Variants in PDE4DIP observed in about 807,000 individuals in gnomAD.
PDE4DIP encodes the protein myomegalin.
Under a neutral mutation model 221.4 loss-of-function variants are expected in PDE4DIP, and 59 were observed. That is an observed-to-expected ratio of 0.27 (90% CI 0.22 to 0.33). The LOEUF (loss-of-function observed/expected upper bound fraction) is 0.33. Ranked by LOEUF, PDE4DIP falls within the 10% of genes least tolerant of loss-of-function variation. The probability of loss-of-function intolerance (pLI) is 1.00; values close to 1 mark genes in which losing one functional copy is unlikely to be tolerated. For synonymous variants in PDE4DIP, 404 were observed against 815.9 expected (o/e 0.50, Z 8.60); for missense variants, 1,036 against 2,154.2 (o/e 0.48, Z 10.28).
rs377202295 is a variant in PDE4DIP at position 148,978,248 on chromosome 1, T to C, written c.2437-30T>C. On this transcript the variant is annotated intron_variant, in intron 18 of 43. Transcript: ENST00000369354. ...CTGAATAATCCTTTTATTACTATTTTCACATCCATACTTATTTTTTGACTT... is the reference window on the plus strand; with the variant it reads ...CTGAATAATCCTTTTATTACTATTTCCACATCCATACTTATTTTTTGACTT... 8.8e-5 allele frequency: 137 copies of C among 1,557,218 alleles called. No homozygotes were observed. In the African/African-American group the frequency reaches 1.8e-3, roughly 20 times the overall value.
intron 32 of PDE4DIP, among the ~76,000 whole-genome samples, chr1:149,013,079 C>T (rs1358019842): frequency 2.0e-5 from 3 of 152,260 alleles, no homozygotes; most frequent in Non-Finnish European, 2.9e-5. Context: ...GTGGACTGCT[C>T]ATTGGTTGGG....
At chr1:148,963,866 G>A (rs1311923410) in intron 9 of PDE4DIP, among the ~76,000 whole-genome samples, 4 of 136,514 alleles carry the variant, frequency 2.9e-5, no homozygotes, top group African/African-American at 1.1e-4. Flanking sequence ...CCATTCTCCT[G>A]CCTCAGCCTC....
chr1:148,824,239 C>T (rs1346787191), intron 1 of PDE4DIP, among the ~76,000 whole-genome samples: 8 of 146,344 alleles, frequency 5.5e-5, no homozygotes, highest in South Asian at 2.1e-4. Context: ...TCTCAAGACT[C>T]GACAGGGGCT....
chr1:149,020,148 G>A lies in PDE4DIP; in HGVS notation c.5772G>A (p.Glu1924=), dbSNP rs2072247169. The change falls in exon 36 of 44, where the codon GAG becomes GAA. Residue 1924 remains glutamate (E), a splice_region_variant and synonymous_variant. Coordinates refer to ENST00000369354, the Ensembl canonical transcript of PDE4DIP. ...TCAATCCTGTGTTCCTCTCACCAGA[G>A]CACTCCCAGGAAACAGAAAGCCTGA... The A allele has an allele frequency of 6.6e-6, 3 of 454,346 alleles. No homozygotes were observed. The East Asian group carries it at 1.1e-4, about 17-fold the overall frequency. The allele number at this position is 454,346 out of a possible 1,614,324, so 28.1% of individuals were successfully genotyped here.
At chr1:149,015,115 G>T (rs1437328266) in intron 32 of PDE4DIP, among the ~76,000 whole-genome samples, 1 of 152,012 alleles carries the variant, frequency 6.6e-6, no homozygotes, top group African/African-American at 2.4e-5. Context: ...CTAGTATTTT[G>T]CAAATTAGAA....
chr1:148,923,950 G>A (rs1487927565), intron 1 of PDE4DIP, among the ~76,000 whole-genome samples: 2 of 151,054 alleles, frequency 1.3e-5, no homozygotes, highest in African/African-American at 4.9e-5. Flanking sequence ...AGAAAGGTAT[G>A]TGAACCTAGG....
intron 21 of PDE4DIP, among the ~76,000 whole-genome samples, chr1:148,987,171 A>G (rs587738545): frequency 6.6e-6 from 1 of 152,210 alleles, no homozygotes; most frequent in African/African-American, 2.4e-5. Context: ...GAGATGTTGC[A>G]ATTTAAAGAC....
intron 23 of PDE4DIP, chr1:148,999,203 T>C (rs587705914): frequency 6.8e-6 from 1 of 147,754 alleles, no homozygotes; most frequent in East Asian, 2.0e-4. Flanking sequence ...CTGTCTTTGA[T>C]GGCTTTTTGT....
intron 1 of PDE4DIP, among the ~76,000 whole-genome samples, chr1:148,847,993 C>A (rs797039745): frequency 5.8e-5 from 1 of 17,222 alleles, no homozygotes; most frequent in African/African-American, 3.1e-4. Context: ...ATTAGAACCA[C>A]AACACCATGC....
intron 42 of PDE4DIP, 140 bp from the exon 46 acceptor site, chr1:149,030,092 G>A (rs599643): frequency 2.2e-6 from 2 of 926,244 alleles, no homozygotes; most frequent in Non-Finnish European, 1.7e-6. Flanking sequence ...GCAGAGGGAG[G>A]GGAGGACAGG....
At chr1:148,992,351 G>A (rs1267578188) in intron 22 of PDE4DIP, 15 of 1,556,104 alleles carry the variant, frequency 9.6e-6, no homozygotes, top group African/African-American at 5.4e-5. Context: ...GGGAGTCATC[G>A]AAGGGCTGCT....
At chr1:148,885,773 T>C (rs1695804728), upstream of PDE4DIP, among the ~76,000 whole-genome samples, 1 of 78,178 alleles carries the variant, frequency 1.3e-5, no homozygotes, top group Admixed American at 1.4e-4. Flanking sequence ...GCAGTAGTGG[T>C]AGTATAACAT....
exon 13 of PDE4DIP, chr1:148,967,818 A>G: frequency 8.6e-7 from 1 of 1,159,826 alleles, no homozygotes; most frequent in Non-Finnish European, 1.3e-6. Flanking sequence ...AAGAAATGGA[A>G]ACCAAATTTA....
At chr1:148,937,563 G>C (rs587690204) in intron 4 of PDE4DIP, among the ~76,000 whole-genome samples, 184 bp from the exon 8 acceptor site, 2 of 152,130 alleles carry the variant, frequency 1.3e-5, no homozygotes, top group East Asian at 3.8e-4. Context: ...AGTTGTTTGT[G>C]TATATATTTG....
intron 21 of PDE4DIP, chr1:148,989,393 A>G (rs1553554385): frequency 2.1e-5 from 18 of 854,536 alleles, no homozygotes; most frequent in Non-Finnish European, 2.0e-5. Flanking sequence ...TTATGAAGCC[A>G]GAACCATAGC....
At chr1:148,859,832 G>GTGTA (rs1553399053) in intron 1 of PDE4DIP, among the ~76,000 whole-genome samples, 2,508 of 110,610 alleles carry the variant, frequency 0.023, 7 homozygotes, top group East Asian at 0.079. Context: ...GTGTGTGTAT[G>GTGTA]TGTGTGTGTG....
At position 148,981,187 on chromosome 1, in the gene PDE4DIP, A is replaced by AG. The variant is rs1559138995; in HGVS notation, c.2688-83_2688-82insG. 5,447 of 1,306,262 alleles carry AG rather than the reference A, an allele frequency of 4.2e-3. 169 individuals carry two copies. In the African/African-American group the frequency reaches 0.069, roughly 17 times the overall value. The allele number at this position is 1,306,262 out of a possible 1,614,324, so 80.9% of individuals were successfully genotyped here. On this transcript the variant is annotated intron_variant, in intron 20 of 43. Coordinates refer to ENST00000369354, the Ensembl canonical transcript of PDE4DIP. The stretch of plus-strand genomic sequence containing the variant: ...ACAAAGTCGTGTGGCTCAAAGTGGT[A>AG]TTGATGGTTCTTTGGAAACAAATGT...
At chr1:148,986,640 A>G (rs141677975) in intron 21 of PDE4DIP, among the ~76,000 whole-genome samples, 295 of 152,266 alleles carry the variant, frequency 1.9e-3, no homozygotes, top group Middle Eastern at 0.017. Context: ...AGAAACTCGA[A>G]TTTTTCTCCT....
chr1:149,001,035 GAC>G (rs1276734720), intron 23 of PDE4DIP, among the ~76,000 whole-genome samples: 3 of 151,828 alleles, frequency 2.0e-5, no homozygotes, highest in Admixed American at 2.0e-4. Flanking sequence ...GAATAGGACA[GAC>G]ACAGTCCTGC....
Sources: allele counts gnomAD v4.1 joint callset (sites outside exome capture counted in the v4.1 genomes callset), GRCh38; gene constraint gnomAD v4.1.1; transcripts MANE v1.5; gene names NCBI Gene and HGNC (gene_info 2026-07-23, HGNC 2026-07-21).